Variants in DLG2 observed in about 807,000 individuals in gnomAD.
The protein encoded by DLG2 is discs large MAGUK scaffold protein 2, also known as disks large homolog 2.
A neutral mutation model predicts 132.5 loss-of-function variants in DLG2; 45 were observed. That is an observed-to-expected ratio of 0.34 (90% CI 0.27 to 0.44). The LOEUF (loss-of-function observed/expected upper bound fraction) is 0.44, where lower values mean the gene tolerates loss of function less well. Ranked by LOEUF, DLG2 falls within the 20% of genes least tolerant of loss-of-function variation. The pLI is 1.00. For missense variants in DLG2, 1,045 were observed against 1,196.9 expected (o/e 0.87, Z 1.87); for synonymous variants, 424 against 419.6 (o/e 1.01, Z -0.13).
At chr11:84,551,895 A>G (rs1344961587) in intron 6 of DLG2, among the ~76,000 whole-genome samples, 1 of 152,176 alleles carries the variant, frequency 6.6e-6, no homozygotes, top group Admixed American at 6.5e-5. Context: ...TTCTCTGGTC[A>G]CCCAAATACA....
At chr11:84,919,162 G>A (rs989719537) in intron 6 of DLG2, among the ~76,000 whole-genome samples, 5 of 152,040 alleles carry the variant, frequency 3.3e-5, no homozygotes, top group Admixed American at 1.3e-4. Flanking sequence ...CTACTTGGTG[G>A]TCTTCATTTT....
chr11:85,362,951 A>T (rs2084274765), intron 3 of DLG2, among the ~76,000 whole-genome samples: 1 of 152,200 alleles, frequency 6.6e-6, no homozygotes, highest in Non-Finnish European at 1.5e-5. Flanking sequence ...CTAATTTGCC[A>T]GGACTAAAGG....
intron 16 of DLG2, among the ~76,000 whole-genome samples, chr11:83,842,869 A>G (rs1196695953): frequency 6.6e-6 from 1 of 151,484 alleles, no homozygotes; most frequent in Non-Finnish European, 1.5e-5. Flanking sequence ...AGTCTTTCTC[A>G]TGGCCATTCG....
Position 83,600,447 on chromosome 11 carries a change from A to G in DLG2, c.1940+32764T>C, listed in dbSNP as rs562334951. Among the ~76,000 whole-genome samples, 7 of 152,338 alleles carry G rather than the reference A, an allele frequency of 4.6e-5. No homozygotes were observed. The East Asian group carries it at 1.3e-3, about 29-fold the overall frequency. On this transcript the variant is annotated intron_variant, in intron 19 of 27. Coordinates refer to ENST00000376104, the MANE Select transcript of DLG2 (RefSeq NM_001142699.3). ...ATTCCTGAATATAAAAAATTGAATC[A>G]CAAAATTTGGCAGCCTGTATTTAAT...
intron 18 of DLG2, among the ~76,000 whole-genome samples, chr11:83,696,890 T>G (rs1363182253): frequency 2.0e-5 from 3 of 152,196 alleles, no homozygotes; most frequent in Non-Finnish European, 2.9e-5. Flanking sequence ...AGAGAATATG[T>G]ACCAAGTCAA....
chr11:85,468,426 T>C lies in DLG2; in HGVS notation c.40+130231A>G, dbSNP rs555314900. On this transcript the variant is annotated intron_variant, in intron 3 of 27. Coordinates refer to ENST00000376104, the MANE Select transcript of DLG2 (RefSeq NM_001142699.3). ...GTTCGGGTGTCAATTTTAGATCTTT[T>C]CTGCTTTCTCTTGTGGGCATTTAGT... Among the ~76,000 whole-genome samples, 6 of 152,302 alleles carry C rather than the reference T, an allele frequency of 3.9e-5. No homozygotes were observed. In the South Asian group the frequency reaches 1.2e-3, roughly 32 times the overall value.
At chr11:83,934,993 A>G in intron 14 of DLG2, among the ~76,000 whole-genome samples, 1 of 152,222 alleles carries the variant, frequency 6.6e-6, no homozygotes, top group East Asian at 1.9e-4. Flanking sequence ...GATTTTGAGC[A>G]TAAATTTCTT....
rs536074970 is a variant in DLG2, at chr11:84,978,190, C to T, written c.357+133471G>A. On this transcript the variant is annotated intron_variant, in intron 6 of 27. Coordinates refer to ENST00000376104, the MANE Select transcript of DLG2 (RefSeq NM_001142699.3). Reference sequence around the variant, plus strand: ...TTAGAAAGATTTCCAGAGAAAACTCCGTCAGAAAGCTAAAGGAGTTTTCTA... The same window carrying T: ...TTAGAAAGATTTCCAGAGAAAACTCTGTCAGAAAGCTAAAGGAGTTTTCTA... Among the ~76,000 whole-genome samples the T allele has an allele frequency of 6.6e-5, 10 of 152,142 alleles. No homozygotes were observed. The South Asian group carries it at 1.0e-3, about 16-fold the overall frequency.
At chr11:85,402,712 A>C (rs1438885454) in intron 3 of DLG2, among the ~76,000 whole-genome samples, 1 of 152,244 alleles carries the variant, frequency 6.6e-6, no homozygotes, top group Non-Finnish European at 1.5e-5. Flanking sequence ...AAAAGAAGAC[A>C]TTTATGCAGC....
chr11:84,059,279 T>C (rs2096553966), intron 11 of DLG2, 36 bp downstream of exon 11: 1 of 1,602,692 alleles, frequency 6.2e-7, no homozygotes, highest in Non-Finnish European at 8.5e-7. Flanking sequence ...AGATGGTTTG[T>C]CACTAGTGTC....
At chr11:84,614,024 T>G (rs542512802) in intron 6 of DLG2, among the ~76,000 whole-genome samples, 1 of 152,170 alleles carries the variant, frequency 6.6e-6, no homozygotes. Flanking sequence ...ATTTGACCAA[T>G]AGTAAACAAC....
intron 8 of DLG2, among the ~76,000 whole-genome samples, chr11:84,172,141 A>C: frequency 6.6e-6 from 1 of 152,212 alleles, no homozygotes; most frequent in East Asian, 1.9e-4. Context: ...GTAGTAAGCA[A>C]AAGATTTTCT....
chr11:85,424,577 T>C (rs754174616), intron 3 of DLG2, among the ~76,000 whole-genome samples: 11 of 152,334 alleles, frequency 7.2e-5, no homozygotes, highest in South Asian at 2.1e-4. Flanking sequence ...TTTTTTCTTA[T>C]GTGAGGCTGA....
chr11:84,412,937 C>A (rs1207420598), intron 7 of DLG2, among the ~76,000 whole-genome samples: 1 of 152,134 alleles, frequency 6.6e-6, no homozygotes, highest in Non-Finnish European at 1.5e-5. Context: ...ATGGAAAATT[C>A]TTTTATTCAT....
At position 84,018,204 on chromosome 11, in the gene DLG2, C is replaced by G. The variant is rs199809251; in HGVS notation, c.920-37562G>C. 2.4e-4 allele frequency among the ~76,000 whole-genome samples: 36 copies of G among 152,042 alleles called. No homozygotes were observed. In the East Asian group the frequency reaches 5.8e-3, roughly 24 times the overall value. ...AGATATATTAAACTGCTAGGTATTA[C>G]TGTACAGGTCACTGAAGCTCTGTTC... On this transcript the variant is annotated intron_variant, in intron 11 of 27. Coordinates refer to ENST00000376104, the MANE Select transcript of DLG2 (RefSeq NM_001142699.3).
intron 14 of DLG2, among the ~76,000 whole-genome samples, chr11:83,941,452 G>C (rs1434865841): frequency 6.6e-6 from 1 of 151,754 alleles, no homozygotes; most frequent in African/African-American, 2.4e-5. Context: ...CTGGAGTGCA[G>C]GGTTGCAATC....
intron 6 of DLG2, among the ~76,000 whole-genome samples, chr11:85,081,339 T>C (rs1254654564): frequency 1.3e-5 from 2 of 152,154 alleles, no homozygotes; most frequent in Non-Finnish European, 2.9e-5. Flanking sequence ...TGCCTGATTA[T>C]ATTGAACACT....
intron 8 of DLG2, among the ~76,000 whole-genome samples, chr11:84,250,463 T>G (rs2097356936): frequency 6.6e-6 from 1 of 152,208 alleles, no homozygotes; most frequent in South Asian, 2.1e-4. Flanking sequence ...TCCATTACCC[T>G]TGTAGCCCTT....
intron 19 of DLG2, among the ~76,000 whole-genome samples, chr11:83,618,564 G>T (rs1339018083): frequency 6.6e-6 from 1 of 152,082 alleles, no homozygotes; most frequent in Non-Finnish European, 1.5e-5. Flanking sequence ...AGAGGGAGAA[G>T]AATTATGTTA....
Sources: allele counts gnomAD v4.1 joint callset (sites outside exome capture counted in the v4.1 genomes callset), GRCh38; gene constraint gnomAD v4.1.1; transcripts MANE v1.5; gene names NCBI Gene and HGNC (gene_info 2026-07-23, HGNC 2026-07-21).